The following DOCK3 variants were observed in gnomAD, a reference collection of about 807,000 sequenced individuals.
DOCK3 encodes dedicator of cytokinesis 3.
Under a neutral mutation model 265.6 loss-of-function variants are expected in DOCK3, and 60 were observed. That is an observed-to-expected ratio of 0.23 (90% CI 0.18 to 0.28). The LOEUF (loss-of-function observed/expected upper bound fraction) is 0.28, where lower values mean the gene tolerates loss of function less well. DOCK3 is among the 10% of genes least tolerant of loss of function. The pLI is 1.00. For synonymous variants in DOCK3, 881 were observed against 938.0 expected, an observed-to-expected ratio of 0.94 and a Z score of 1.11; for missense variants, 1,981 against 2,594.3, an observed-to-expected ratio of 0.76 and a Z score of 5.14.
chr3:51,137,515 T>TTAG (rs2084860115), intron 9 of DOCK3, among the ~76,000 whole-genome samples: 1 of 152,196 alleles, frequency 6.6e-6, no homozygotes, highest in Non-Finnish European at 1.5e-5. Context: ...GGCTGATACC[T>TTAG]CATTGGCAGT....
At chr3:50,706,781 T>A (rs2036439297) in intron 1 of DOCK3, among the ~76,000 whole-genome samples, 1 of 150,002 alleles carries the variant, frequency 6.7e-6, no homozygotes, top group African/African-American at 2.5e-5. Context: ...TTATCTATTC[T>A]TTTATATTCT....
At position 51,312,462 on chromosome 3, in the gene DOCK3, CTCTG is replaced by C. The variant is rs751306129; in HGVS notation, c.3094-6_3094-3del. ...TCTTAGACTGTCACATTTTCTCTTT[CTCTG>C]TCTGTCTAGGTGTGGAATTCTTACT... On this transcript the variant is annotated splice_polypyrimidine_tract_variant and intron_variant, in intron 29 of 52. Transcript: ENST00000266037. The C allele has an allele frequency of 6.2e-7, 1 of 1,608,132 alleles. No individual in the cohort carries two copies. The highest frequency in any genetic ancestry group is 8.5e-7 in the Non-Finnish European group (1 of 1,176,210).
chr3:50,820,520 C>G (rs2044347378), intron 2 of DOCK3, among the ~76,000 whole-genome samples: 1 of 152,168 alleles, frequency 6.6e-6, no homozygotes, highest in Admixed American at 6.5e-5. Context: ...TTTTTTATGG[C>G]TGCATAGTAT....
chr3:51,023,134 C>T (rs1336317757), intron 5 of DOCK3, among the ~76,000 whole-genome samples: 1 of 152,144 alleles, frequency 6.6e-6, no homozygotes, highest in Non-Finnish European at 1.5e-5. Context: ...ATTATTCCCT[C>T]AAATAAGTTT....
chr3:51,161,423 A>G (rs6785558), intron 12 of DOCK3, among the ~76,000 whole-genome samples: 136,809 of 150,166 alleles, frequency 0.91, 62,468 homozygotes, highest in African/African-American at 0.95. Context: ...CAGCCTGGGC[A>G]ACAGAGTGAG....
intron 12 of DOCK3, among the ~76,000 whole-genome samples, chr3:51,172,466 A>G (rs1167726528): frequency 6.6e-6 from 1 of 151,998 alleles, no homozygotes; most frequent in Non-Finnish European, 1.5e-5. Context: ...ATGAGCTACC[A>G]CGCCCAGCTG....
intron 9 of DOCK3, among the ~76,000 whole-genome samples, chr3:51,118,341 A>T (rs564933040): frequency 1.3e-5 from 2 of 152,090 alleles, no homozygotes; most frequent in Non-Finnish European, 2.9e-5. Context: ...CATGATTTCC[A>T]TTCTTTTGCA....
At chr3:51,065,700 A>G (rs1394040922) in intron 6 of DOCK3, among the ~76,000 whole-genome samples, 3 of 152,216 alleles carry the variant, frequency 2.0e-5, no homozygotes, top group African/African-American at 7.2e-5. Flanking sequence ...AAAACTCTCC[A>G]CATTCTGGCA....
intron 5 of DOCK3, among the ~76,000 whole-genome samples, chr3:51,047,846 T>C (rs2058671362): frequency 6.6e-6 from 1 of 152,080 alleles, no homozygotes; most frequent in East Asian, 1.9e-4. Flanking sequence ...TTAACGCTTA[T>C]AAAAAAACAG....
At chr3:51,252,424 T>C (rs1381336201) in intron 22 of DOCK3, among the ~76,000 whole-genome samples, 4 of 152,232 alleles carry the variant, frequency 2.6e-5, no homozygotes, top group Admixed American at 6.5e-5. Flanking sequence ...TTTATGGGGA[T>C]GGCATTGAAT....
intron 16 of DOCK3, 131 bp downstream of exon 16, chr3:51,227,576 G>A: frequency 7.5e-7 from 1 of 1,337,522 alleles, no homozygotes; most frequent in Non-Finnish European, 1.0e-6. Flanking sequence ...GCTACTCAGA[G>A]ATGGGATGTC....
chr3:51,069,846 C>A (rs780043418), intron 6 of DOCK3, among the ~76,000 whole-genome samples: 1 of 152,182 alleles, frequency 6.6e-6, no homozygotes, highest in African/African-American at 2.4e-5. Context: ...TAGCCAGGAT[C>A]TAGAAAGGTT....
intron 46 of DOCK3, among the ~76,000 whole-genome samples, chr3:51,358,313 G>A (rs139976675): frequency 1.8e-4 from 28 of 152,322 alleles, no homozygotes; most frequent in South Asian, 1.7e-3. Context: ...CAGATTCAAG[G>A]GCAGGGAACG....
chr3:51,225,327 C>T (rs1026962065), intron 14 of DOCK3, among the ~76,000 whole-genome samples: 1 of 152,124 alleles, frequency 6.6e-6, no homozygotes, highest in African/African-American at 2.4e-5. Context: ...AGAATCTTCC[C>T]TCTTTGGGAG....
intron 6 of DOCK3, among the ~76,000 whole-genome samples, chr3:51,074,852 TAAA>T (rs1560025373): frequency 1.3e-5 from 2 of 152,120 alleles, no homozygotes; most frequent in Middle Eastern, 3.4e-3. Flanking sequence ...CCCCAGAACT[TAAA>T]AATAAAAAAT....
Position 51,277,686 on chromosome 3 carries a change from A to C in DOCK3, c.2755A>C (p.Met919Leu). 1 of 1,610,754 alleles carries C rather than the reference A, an allele frequency of 6.2e-7. No homozygotes were observed. The highest frequency in any genetic ancestry group is 8.5e-7 in the Non-Finnish European group (1 of 1,178,816). ...DVLLQTLLTI[M>L]SKSHAQEAVR... ...GCTCTTGCAGACTCTGCTCACCATC[A>C]TGAGCAAATCGCACGCTCAGGAGGC... Residue 919 changes from methionine to leucine, a missense_variant, in exon 26 of 53, where the codon ATG (methionine) becomes CTG (leucine). By Grantham distance (15) the Met-to-Leu change is conservative. Transcript: ENST00000266037.
At position 51,090,226 on chromosome 3, in the gene DOCK3, T is replaced by C; in HGVS notation, c.592-4T>C. 1.9e-6 allele frequency: 3 copies of C among 1,564,598 alleles called. No homozygotes were observed. The highest frequency in any genetic ancestry group is 2.6e-6 in the Non-Finnish European group (3 of 1,157,758). ...AATCACTGGGTTTTTTTCTTCCTCA[T>C]TAGGTAGATACAATGCGCCCACGTC... On this transcript the variant is annotated splice_region_variant and splice_polypyrimidine_tract_variant and intron_variant, in intron 8 of 52. Coordinates refer to ENST00000266037, the MANE Select transcript of DOCK3 (RefSeq NM_004947.5).
intron 2 of DOCK3, among the ~76,000 whole-genome samples, chr3:50,809,751 C>T (rs1242940254): frequency 3.9e-5 from 6 of 151,930 alleles, no homozygotes; most frequent in Non-Finnish European, 7.4e-5. Context: ...ATACGATGAC[C>T]CATCACAGAC....
At chr3:50,771,297 C>G (rs1041456245) in intron 1 of DOCK3, among the ~76,000 whole-genome samples, 3 of 152,096 alleles carry the variant, frequency 2.0e-5, no homozygotes, top group Non-Finnish European at 4.4e-5. Flanking sequence ...AAGATTTGAG[C>G]AGACATTTCT....
Sources: gnomAD v4.1 joint callset for allele counts (sites outside exome capture counted in the v4.1 genomes callset) on GRCh38, gnomAD v4.1.1 for gene constraint, MANE v1.5 for transcripts, NCBI Gene and HGNC (gene_info 2026-07-23, HGNC 2026-07-21) for gene names.